The following DIAPH2 variants were observed in gnomAD, a reference collection of about 807,000 sequenced individuals.
The protein encoded by DIAPH2 is protein diaphanous homolog 2.
In DIAPH2, 35 loss-of-function variants were observed where a neutral mutation model predicts 92.7. The observed-to-expected ratio is 0.38, with a 90% confidence interval of 0.29 to 0.50. The LOEUF (loss-of-function observed/expected upper bound fraction) is 0.50, where lower values mean the gene tolerates loss of function less well. Ranked by LOEUF, DIAPH2 falls within the 20% of genes least tolerant of loss-of-function variation. The pLI, the probability that DIAPH2 is intolerant of heterozygous loss-of-function variation, is 0.94. For missense variants in DIAPH2, 701 were observed against 819.5 expected (o/e 0.86, Z 1.77); for synonymous variants, 301 against 280.4 (o/e 1.07, Z -0.73).
chrX:97,126,268 A>G (rs2067093908), intron 21 of DIAPH2, among the ~76,000 whole-genome samples: 1 of 112,052 alleles, frequency 8.9e-6, no homozygotes, highest in Non-Finnish European at 1.9e-5. Context: ...TTGACCAGTC[A>G]TCTTACAAGC....
At chrX:97,511,588 G>A (rs1335989728) in intron 26 of DIAPH2, among the ~76,000 whole-genome samples, 24 of 109,696 alleles carry the variant, frequency 2.2e-4, no homozygotes, top group Non-Finnish European at 3.4e-4. Context: ...TCTTGTGCCA[G>A]TTTTCAAAGG....
intron 15 of DIAPH2, 73 bp downstream of exon 15, chrX:96,949,112 G>C: frequency 1.5e-6 from 1 of 678,759 alleles, no homozygotes; most frequent in East Asian, 3.6e-5. Flanking sequence ...TTGTTATATA[G>C]AAGGAAAAAT....
chrX:96,684,937 ACACT>A lies in DIAPH2; in HGVS notation c.-120_-117del. The A allele has an allele frequency of 1.2e-6, 1 of 842,619 alleles. No individual in the cohort carries two copies. Among genetic ancestry groups the A allele is most frequent in the Non-Finnish European group, 1.5e-6 (1 of 662,807 alleles). 69.4% of individuals were successfully genotyped at this position (842,619 alleles called of 1,213,427 possible). A position where few individuals can be genotyped will look rare whatever the true frequency, so the allele number is the denominator to read the frequency against. ...CTGAAATCGGCAGCTTCCCGGGCAGACACTCTCTCCCTCAGGAAGAGGTGCCGCC... is the reference window on the plus strand; with the variant it reads ...CTGAAATCGGCAGCTTCCCGGGCAGACTCTCCCTCAGGAAGAGGTGCCGCC... On this transcript the variant is annotated 5_prime_UTR_variant, in exon 1 of 27. Coordinates refer to ENST00000324765, the MANE Select transcript of DIAPH2 (RefSeq NM_006729.5).
intron 20 of DIAPH2, among the ~76,000 whole-genome samples, chrX:97,107,846 G>T (rs760653028): frequency 4.5e-5 from 5 of 111,527 alleles, no homozygotes; most frequent in African/African-American, 1.6e-4. Flanking sequence ...GAGACGGGGG[G>T]ATCAGTTTTT....
chrX:97,045,871 T>TTTTA (rs2066479903), intron 17 of DIAPH2, among the ~76,000 whole-genome samples: 1 of 84,714 alleles, frequency 1.2e-5, no homozygotes, highest in African/African-American at 4.0e-5. Context: ...TTTTTTTTTT[T>TTTTA]GAGACAGAGT....
At chrX:97,100,747 A>G (rs190388449) in intron 20 of DIAPH2, among the ~76,000 whole-genome samples, 2 of 112,120 alleles carry the variant, frequency 1.8e-5, no homozygotes, top group East Asian at 5.6e-4. Context: ...AAGCTTTTAA[A>G]TAGTATAATA....
intron 5 of DIAPH2, among the ~76,000 whole-genome samples, chrX:96,908,913 T>C (rs1255995207): frequency 2.7e-5 from 3 of 111,864 alleles, no homozygotes; most frequent in African/African-American, 9.7e-5. Flanking sequence ...ACTGGATTCC[T>C]GATCTGTGTT....
At chrX:97,074,974 G>A (rs1186815595) in intron 18 of DIAPH2, among the ~76,000 whole-genome samples, 193 bp from the exon 19 acceptor site, 3 of 111,618 alleles carry the variant, frequency 2.7e-5, no homozygotes, top group East Asian at 2.8e-4. Context: ...ATTACAGCCC[G>A]AGAAAATATG....
chrX:97,339,704 C>T (rs188735572), intron 23 of DIAPH2, among the ~76,000 whole-genome samples: 137 of 112,060 alleles, frequency 1.2e-3, no homozygotes, highest in Non-Finnish European at 2.0e-3. Context: ...ACAAAGAACA[C>T]TTCTGTTAGG....
rs143875974 is a variant in DIAPH2 at position 96,957,916 on chromosome X, C to T, written c.1703C>T (p.Ala568Val). 289 of 1,208,019 alleles carry T rather than the reference C, an allele frequency of 2.4e-4. No homozygotes were observed. Among genetic ancestry groups the T allele is most frequent in the African/African-American group, 6.5e-4 (37 of 56,701 alleles). The change falls in exon 16 of 27, where the codon GCG (alanine) becomes GTG (valine). Residue 568 changes from alanine to valine, a missense_variant. Physicochemically the swap from Ala to Val is moderately conservative, Grantham distance 64 (BLOSUM62 0). This residue lies in a region of DIAPH2 where 536 missense variants were observed against 599.3 expected (regional missense o/e 0.89). Transcript: ENST00000324765. ...GTAGGGCCGCCTCCACCACCACCCG[C>T]GCCACCTCTACCCGGAGGAGCTCCT... ...PGVGPPPPPP[A>V]PPLPGGAPLP...
intron 26 of DIAPH2, among the ~76,000 whole-genome samples, chrX:97,461,835 T>C (rs1179409638): frequency 8.9e-6 from 1 of 111,796 alleles, no homozygotes; most frequent in East Asian, 2.8e-4. Context: ...TTGTTTCCAC[T>C]AAATACTTTG....
intron 22 of DIAPH2, among the ~76,000 whole-genome samples, chrX:97,144,892 G>A (rs1255638500): frequency 1.8e-5 from 2 of 111,774 alleles, no homozygotes; most frequent in East Asian, 2.8e-4. Context: ...AGCCTCCCAA[G>A]TAGCTGGGAT....
chrX:97,324,167 C>A (rs966438374), intron 23 of DIAPH2, among the ~76,000 whole-genome samples: 2 of 111,731 alleles, frequency 1.8e-5, no homozygotes, highest in African/African-American at 3.3e-5. Flanking sequence ...AAGCCCCTTG[C>A]TGTGGTTCTG....
At chrX:97,578,087 T>G (rs1187309762) in intron 26 of DIAPH2, among the ~76,000 whole-genome samples, 1 of 43,149 alleles carries the variant, frequency 2.3e-5, no homozygotes, top group Non-Finnish European at 4.9e-5. Context: ...GAAAACTGTT[T>G]TCTTTCTTTT....
chrX:97,335,304 A>G (rs1287803030), intron 23 of DIAPH2, among the ~76,000 whole-genome samples: 2 of 111,733 alleles, frequency 1.8e-5, no homozygotes, highest in African/African-American at 6.5e-5. Flanking sequence ...CTAGTTTATA[A>G]ATTCAGTGAG....
chrX:97,483,002 A>G (rs2070662131), intron 26 of DIAPH2, among the ~76,000 whole-genome samples: 1 of 111,426 alleles, frequency 9.0e-6, no homozygotes, highest in Admixed American at 9.6e-5. Flanking sequence ...AAAAATAGGC[A>G]TTCAAACCAA....
intron 22 of DIAPH2, among the ~76,000 whole-genome samples, chrX:97,198,804 T>A (rs891517326): frequency 9.0e-6 from 1 of 111,405 alleles, no homozygotes. Context: ...TATCGTAAAG[T>A]CACAGTGATT....
intron 10 of DIAPH2, among the ~76,000 whole-genome samples, chrX:96,933,704 A>G (rs1449930223): frequency 1.9e-5 from 2 of 106,659 alleles, no homozygotes; most frequent in Non-Finnish European, 3.8e-5. Context: ...CCCGGGTTCA[A>G]GCGATTCTTG....
At chrX:97,336,812 A>G (rs2069066254) in intron 23 of DIAPH2, among the ~76,000 whole-genome samples, 1 of 112,016 alleles carries the variant, frequency 8.9e-6, no homozygotes, top group African/African-American at 3.2e-5. Context: ...AAAGACAGAC[A>G]CATAAAAGAC....
Sources: allele counts gnomAD v4.1 joint callset (sites outside exome capture counted in the v4.1 genomes callset), GRCh38; gene constraint gnomAD v4.1.1; regional missense constraint gnomAD v4.1.1; transcripts MANE v1.5; gene names NCBI Gene and HGNC (gene_info 2026-07-23, HGNC 2026-07-21).